Variants in NME5 observed in about 807,000 individuals in gnomAD.
The protein encoded by NME5 is NME/NM23 family member 5.
In NME5, 18 loss-of-function variants were observed where a neutral mutation model predicts 21.6. The ratio of observed to expected loss-of-function variants is 0.83; its 90% CI spans 0.58 to 1.24. NME5 has a LOEUF of 1.24. Among genes scored for constraint, NME5 ranks in the 50% most tolerant of loss-of-function variants. NME5 has a pLI of 0.00. For missense variants in NME5, 223 were observed against 255.4 expected (o/e 0.87, Z 0.86); for synonymous variants, 70 against 80.6 (o/e 0.87, Z 0.71).
chr5:138,138,090 C>T (rs1751749263), intron 2 of NME5, among the ~76,000 whole-genome samples: 1 of 152,144 alleles, frequency 6.6e-6, no homozygotes, highest in African/African-American at 2.4e-5. Context: ...TATTTATATT[C>T]ACTTTCAAAC....
At chr5:138,126,441 G>T (rs776722965) in intron 4 of NME5, among the ~76,000 whole-genome samples, 1 of 139,854 alleles carries the variant, frequency 7.2e-6, no homozygotes, top group African/African-American at 2.6e-5. Context: ...AGTCTGCGTG[G>T]TCAAGGCTGC....
intron 2 of NME5, among the ~76,000 whole-genome samples, chr5:138,131,410 G>A (rs1232752890): frequency 2.0e-5 from 3 of 151,190 alleles, no homozygotes; most frequent in Admixed American, 1.3e-4. Flanking sequence ...TTAGTAAGGC[G>A]TGGTGGTGCA....
intron 2 of NME5, among the ~76,000 whole-genome samples, chr5:138,134,590 G>C (rs1014934093): frequency 2.0e-5 from 3 of 151,916 alleles, no homozygotes; most frequent in African/African-American, 7.3e-5. Flanking sequence ...ACATTGGCCA[G>C]GGTGGTCTTG....
At chr5:138,139,176 G>GA in intron 1 of NME5, 195 bp downstream of exon 1, 1 of 199,326 alleles carries the variant, frequency 5.0e-6, no homozygotes, top group Non-Finnish European at 9.4e-6. Context: ...AGGGGACGGT[G>GA]GCTGGTGGGC....
chr5:138,125,397 G>C (rs531052572), intron 4 of NME5, among the ~76,000 whole-genome samples: 1 of 152,254 alleles, frequency 6.6e-6, no homozygotes, highest in South Asian at 2.1e-4. Context: ...GGGTAATGTA[G>C]TGAGACCCCA....
intron 2 of NME5, among the ~76,000 whole-genome samples, chr5:138,134,128 A>C (rs1161890328): frequency 1.3e-5 from 2 of 152,178 alleles, no homozygotes; most frequent in Non-Finnish European, 2.9e-5. Context: ...GTCTCAGTAC[A>C]TTGCCCAGAC....
intron 4 of NME5, among the ~76,000 whole-genome samples, chr5:138,125,061 T>C (rs973222745): frequency 6.6e-6 from 1 of 152,038 alleles, no homozygotes; most frequent in Non-Finnish European, 1.5e-5. Flanking sequence ...TAGCTGGGAC[T>C]ACAGACATGG....
intron 1 of NME5, chr5:138,138,990 C>T: frequency 2.3e-6 from 1 of 439,456 alleles, no homozygotes; most frequent in Non-Finnish European, 3.9e-6. Flanking sequence ...ATGTCCAAAT[C>T]GAGCCCCGGC....
chr5:138,138,627 A>G (rs375027950), intron 2 of NME5, 25 bp downstream of exon 2: 3 of 1,596,980 alleles, frequency 1.9e-6, no homozygotes, highest in East Asian at 4.5e-5. Flanking sequence ...GGAAAAAAGC[A>G]TGAATCATCA....
chr5:138,122,444 A>T (rs1353371461), intron 4 of NME5, among the ~76,000 whole-genome samples: 1 of 136,104 alleles, frequency 7.3e-6, no homozygotes, highest in African/African-American at 2.8e-5. Flanking sequence ...CTGTCTCTAA[A>T]AAAAAAAAAA....
At chr5:138,128,093 A>G (rs1419073134) in intron 4 of NME5, among the ~76,000 whole-genome samples, 1 of 152,086 alleles carries the variant, frequency 6.6e-6, no homozygotes, top group African/African-American at 2.4e-5. Flanking sequence ...GCATGCACCT[A>G]TAGTCTCAGC....
chr5:138,138,375 G>A, intron 2 of NME5: 1 of 316,160 alleles, frequency 3.2e-6, no homozygotes, highest in Non-Finnish European at 5.8e-6. Flanking sequence ...GTTTATAAAT[G>A]CATAGAAAAC....
intron 2 of NME5, among the ~76,000 whole-genome samples, chr5:138,131,744 T>TA: frequency 6.6e-6 from 1 of 151,758 alleles, no homozygotes; most frequent in South Asian, 2.1e-4. Flanking sequence ...GCTTTTTTTT[T>TA]TTTTTATTTT....
rs1751315352 is a variant in NME5, at chr5:138,122,709, GCT to G, written c.437-3775_437-3774del. On this transcript the variant is annotated intron_variant, in intron 4 of 5. Coordinates refer to ENST00000265191, the MANE Select transcript of NME5 (RefSeq NM_003551.3). ...TTTTTTTTTTTTGAGACATGGTCTT[GCT>G]CTGTTGCCCAGGCTGGAGTGCAGTG... is the stretch of plus-strand genomic sequence containing the variant. 6.2e-5 allele frequency among the ~76,000 whole-genome samples: 9 copies of G among 145,890 alleles called. No individual in the cohort carries two copies. The Admixed American group carries it at 6.2e-4, about 10-fold the overall frequency.
At chr5:138,119,045 T>C in intron 4 of NME5, 109 bp from the exon 5 acceptor site, 2 of 644,974 alleles carry the variant, frequency 3.1e-6, no homozygotes, top group Non-Finnish European at 5.3e-6. Flanking sequence ...TATATGTTTT[T>C]TTGAGATGGA....
chr5:138,133,669 C>T (rs1751625002), intron 2 of NME5, among the ~76,000 whole-genome samples: 1 of 152,120 alleles, frequency 6.6e-6, no homozygotes, highest in African/African-American at 2.4e-5. Flanking sequence ...CAGCTTTTCC[C>T]TTAAGTGGGA....
chr5:138,137,238 T>C (rs913087703), intron 2 of NME5, among the ~76,000 whole-genome samples: 2 of 152,188 alleles, frequency 1.3e-5, no homozygotes, highest in African/African-American at 2.4e-5. Flanking sequence ...TCTTGTGCCA[T>C]CCCTACTCTC....
At chr5:138,116,960 T>C (rs1160655323) in intron 5 of NME5, among the ~76,000 whole-genome samples, 1 of 151,898 alleles carries the variant, frequency 6.6e-6, no homozygotes, top group African/African-American at 2.4e-5. Flanking sequence ...GTGATCCCAA[T>C]ACTTTTGGAG....
At chr5:138,126,528 A>G (rs1249715643) in intron 4 of NME5, among the ~76,000 whole-genome samples, 3 of 150,538 alleles carry the variant, frequency 2.0e-5, no homozygotes, top group African/African-American at 7.3e-5. Flanking sequence ...AAAAAAAAAA[A>G]AAAAAAAAGA....
Sources: gnomAD v4.1 joint callset for allele counts (sites outside exome capture counted in the v4.1 genomes callset) on GRCh38, gnomAD v4.1.1 for gene constraint, MANE v1.5 for transcripts, NCBI Gene and HGNC (gene_info 2026-07-23, HGNC 2026-07-21) for gene names.